Variants in PKIG observed in about 807,000 individuals in gnomAD.
The protein encoded by PKIG is protein kinase (cAMP-dependent, catalytic) inhibitor gamma.
PKIG carries 1 observed loss-of-function variant against 6.8 expected under a neutral mutation model. The observed-to-expected ratio is 0.15, with a 90% CI of 0.05 to 0.69. The LOEUF is 0.69. PKIG is among the 30% of genes least tolerant of loss of function. The pLI is 0.82. For missense variants in PKIG, 77 were observed against 104.0 expected (o/e 0.74, Z 1.13); for synonymous variants, 39 against 43.0 (o/e 0.91, Z 0.36).
chr20:44,577,015 T>TA (rs1485464372), intron 1 of PKIG, among the ~76,000 whole-genome samples: 3 of 152,066 alleles, frequency 2.0e-5, no homozygotes, highest in South Asian at 4.1e-4. Flanking sequence ...ACCAAAAAAA[T>TA]ACGTTGAGCA....
At chr20:44,593,498 G>A (rs563214706) in intron 2 of PKIG, among the ~76,000 whole-genome samples, 1 of 151,780 alleles carries the variant, frequency 6.6e-6, no homozygotes, top group Non-Finnish European at 1.5e-5. Context: ...AGTGAAATAG[G>A]GCAGACACAG....
rs958928053 is a variant in PKIG, at chr20:44,550,191, G to A, written c.-241+18213G>A. On this transcript the variant is annotated intron_variant, in intron 1 of 4. Transcript: ENST00000372887. The stretch of plus-strand genomic sequence containing the variant: ...TATCTCATTTAATTCTCACACAAGC[G>A]TTGTTAGATACATAAAAGGGGACTT... Among the ~76,000 whole-genome samples the A allele has an allele frequency of 2.7e-5, 4 of 149,912 alleles. No individual in the cohort carries two copies. In the South Asian group the frequency reaches 6.4e-4, roughly 24 times the overall value.
intron 1 of PKIG, among the ~76,000 whole-genome samples, chr20:44,533,172 A>ATG (rs1480912805): frequency 6.6e-6 from 1 of 151,774 alleles, no homozygotes; most frequent in Non-Finnish European, 1.5e-5. Context: ...ATTCATATAT[A>ATG]TGTGTGTGTG....
chr20:44,534,036 A>G (rs2064491178), intron 1 of PKIG, among the ~76,000 whole-genome samples: 1 of 152,198 alleles, frequency 6.6e-6, no homozygotes, highest in South Asian at 2.1e-4. Flanking sequence ...TAAGAGTGGG[A>G]TGTGAGAAAG....
chr20:44,544,554 G>A, intron 1 of PKIG, among the ~76,000 whole-genome samples: 1 of 152,212 alleles, frequency 6.6e-6, no homozygotes, highest in African/African-American at 2.4e-5. Flanking sequence ...GGTCGCACGT[G>A]TTGGCTCTGG....
At position 44,614,647 on chromosome 20, in the gene PKIG, G is replaced by A; in HGVS notation, c.91G>A (p.Glu31Lys). ...GGTCCCTGACATCCAGGGAGACTCA[G>A]AGGCTGTGAGCGTGAGGAAGCTGGC... is the stretch of plus-strand genomic sequence containing the variant. Reference protein sequence around the residue: ...NAVPDIQGDSEAVSVRKLAGD... With the variant: ...NAVPDIQGDSKAVSVRKLAGD... The change falls in exon 3 of 4, where the codon GAG becomes AAG. Residue 31 changes from glutamate (E) to lysine (K), a missense_variant. Glu to Lys is a moderately conservative substitution (Grantham distance 56). Transcript: ENST00000372886. This position sits in a 1 kb window ranked among gnomAD's most constrained non-coding sequence, Gnocchi z 4.6. 6.2e-7 allele frequency: 1 copy of A among 1,614,108 alleles called. No homozygotes were observed. Among genetic ancestry groups the A allele is most frequent in the African/African-American group, 1.3e-5 (1 of 75,068 alleles).
intron 1 of PKIG, among the ~76,000 whole-genome samples, chr20:44,585,794 C>T (rs1321807634): frequency 1.3e-5 from 2 of 152,266 alleles, no homozygotes; most frequent in African/African-American, 4.8e-5. Flanking sequence ...CCTCTAGTCT[C>T]CTGCCTGGCC....
intron 2 of PKIG, among the ~76,000 whole-genome samples, chr20:44,608,564 A>G (rs2065186945): frequency 2.0e-5 from 3 of 152,196 alleles, no homozygotes; most frequent in South Asian, 2.1e-4. Flanking sequence ...ACACTTTGGA[A>G]GTCCGAGGCA....
intron 1 of PKIG, among the ~76,000 whole-genome samples, chr20:44,551,860 T>G (rs1450876986): frequency 6.6e-6 from 1 of 152,260 alleles, no homozygotes; most frequent in Non-Finnish European, 1.5e-5. Context: ...GCTCTAGATT[T>G]GTAAACAAAT....
At chr20:44,585,270 G>C (rs1270165752) in intron 1 of PKIG, 3 of 152,382 alleles carry the variant, frequency 2.0e-5, no homozygotes, top group Non-Finnish European at 4.4e-5. Flanking sequence ...AGTTGCTCCT[G>C]TTATCAGTGT....
At chr20:44,617,926 G>A (rs988404771) in intron 3 of PKIG, among the ~76,000 whole-genome samples, 3 of 151,812 alleles carry the variant, frequency 2.0e-5, no homozygotes, top group Admixed American at 6.6e-5. Flanking sequence ...CAGAACAGCT[G>A]CCATTTGCTG....
intron 1 of PKIG, among the ~76,000 whole-genome samples, chr20:44,539,084 A>G (rs1255434447): frequency 6.6e-6 from 1 of 152,078 alleles, no homozygotes; most frequent in Non-Finnish European, 1.5e-5. Context: ...ACGTACCACC[A>G]TACCCCACTA....
chr20:44,576,979 G>T (rs2064903806), intron 1 of PKIG, among the ~76,000 whole-genome samples: 1 of 152,106 alleles, frequency 6.6e-6, no homozygotes, highest in East Asian at 1.9e-4. Context: ...GAACCCTGAA[G>T]AAAAAGCAGC....
intron 1 of PKIG, among the ~76,000 whole-genome samples, chr20:44,546,856 C>T (rs539452688): frequency 8.5e-4 from 130 of 152,194 alleles, no homozygotes; most frequent in African/African-American, 3.0e-3. Flanking sequence ...ACCCAGGCCC[C>T]TCACTGATTT....
chr20:44,600,258 G>C (rs2123423294), intron 2 of PKIG, among the ~76,000 whole-genome samples: 1 of 152,250 alleles, frequency 6.6e-6, no homozygotes, highest in African/African-American at 2.4e-5. Flanking sequence ...AGGCAGGCAG[G>C]GCCAGGTCAA....
At chr20:44,547,909 G>A (rs1166154402) in intron 1 of PKIG, among the ~76,000 whole-genome samples, 1 of 152,014 alleles carries the variant, frequency 6.6e-6, no homozygotes, top group Non-Finnish European at 1.5e-5. Flanking sequence ...GGGCATGGTG[G>A]CTCATGACTT....
intron 1 of PKIG, among the ~76,000 whole-genome samples, chr20:44,554,915 T>C (rs1375187382): frequency 1.3e-5 from 2 of 152,212 alleles, no homozygotes; most frequent in African/African-American, 4.8e-5. Flanking sequence ...TGATTTACTT[T>C]TGTTCTATAG....
At chr20:44,584,283 A>G (rs1030883133) in intron 1 of PKIG, among the ~76,000 whole-genome samples, 1 of 152,126 alleles carries the variant, frequency 6.6e-6, no homozygotes, top group African/African-American at 2.4e-5. Context: ...GCCCATCACT[A>G]TGCCCCACTG....
chr20:44,575,362 G>A (rs1220711058), intron 1 of PKIG, among the ~76,000 whole-genome samples: 1 of 152,172 alleles, frequency 6.6e-6, no homozygotes, highest in Non-Finnish European at 1.5e-5. Flanking sequence ...GAGATTACAG[G>A]CACCTGCCAC....
Sources: allele counts gnomAD v4.1 joint callset (sites outside exome capture counted in the v4.1 genomes callset), GRCh38; gene constraint gnomAD v4.1.1; non-coding constraint Gnocchi (gnomAD v3.1); transcripts MANE v1.5; gene names NCBI Gene and HGNC (gene_info 2026-07-23, HGNC 2026-07-21).